Variants in PSG7 observed in about 807,000 individuals in gnomAD.
PSG7 encodes the protein pregnancy-specific beta-1-glycoprotein 7.
In PSG7, 57 loss-of-function variants were observed where a neutral mutation model predicts 45.6. That is an observed-to-expected ratio of 1.25 (90% CI 1.01 to 1.56). The LOEUF (loss-of-function observed/expected upper bound fraction) is 1.56. Ranked by LOEUF, PSG7 falls within the 40% of genes most tolerant of loss-of-function variation. The pLI is 0.00. For synonymous variants in PSG7, 298 were observed against 194.4 expected, an observed-to-expected ratio of 1.53 and a Z score of -4.43; for missense variants, 796 against 508.4, an observed-to-expected ratio of 1.57 and a Z score of -5.44.
chr19:42,934,529 T>A (rs1180535627), intron 2 of PSG7, among the ~76,000 whole-genome samples: 1 of 151,642 alleles, frequency 6.6e-6, no homozygotes, highest in Non-Finnish European at 1.5e-5. Flanking sequence ...GCAAATGGAC[T>A]GTGGCTTTTC....
Position 42,926,856 on chromosome 19 carries a change from G to A in PSG7, c.710-140C>T, listed in dbSNP as rs538766259. The stretch of plus-strand genomic sequence containing the variant: ...CCAATAGCTGGTGTGTGTGTCACAA[G>A]GTAGATGCATGATGATCTAAGGGCT... On this transcript the variant is annotated intron_variant, in intron 3 of 5. Transcript: ENST00000406070. The A allele has an allele frequency of 3.8e-5, 54 of 1,429,494 alleles. 1 individual carries two copies. Among genetic ancestry groups the A allele is most frequent in the Non-Finnish European group, 4.8e-5 (51 of 1,055,734 alleles). The allele number at this position is 1,429,494 out of a possible 1,614,324, so 88.6% of individuals were successfully genotyped here.
chr19:42,934,432 T>C (rs188146999), intron 2 of PSG7, among the ~76,000 whole-genome samples: 8 of 151,646 alleles, frequency 5.3e-5, no homozygotes, highest in South Asian at 2.1e-4. Flanking sequence ...CATGTGACCC[T>C]GATCTCCCCT....
chr19:42,931,975 G>A (rs1009001535), intron 2 of PSG7, among the ~76,000 whole-genome samples: 1 of 151,450 alleles, frequency 6.6e-6, no homozygotes, highest in Non-Finnish European at 1.5e-5. Flanking sequence ...TCTTTCCACA[G>A]CTGTGTGCAG....
At position 42,931,851 on chromosome 19, in the gene PSG7, A is replaced by C. The variant is rs1973026451; in HGVS notation, c.431-2131T>G. 2.0e-5 allele frequency among the ~76,000 whole-genome samples: 3 copies of C among 151,444 alleles called. No homozygotes were observed. The South Asian group carries it at 6.3e-4, about 32-fold the overall frequency. ...AAATTTAAAAATTGCTATTGTCAAA[A>C]CAAAATACTAAATATGAAGTTGAAA... On this transcript the variant is annotated intron_variant, in intron 2 of 5. Transcript: ENST00000406070.
At chr19:42,931,467 T>C (rs1973017938) in intron 2 of PSG7, among the ~76,000 whole-genome samples, 1 of 151,552 alleles carries the variant, frequency 6.6e-6, no homozygotes. Context: ...GTTATGTTAG[T>C]AAATATAGAA....
chr19:42,933,265 CAATATATATA>C (rs1430745451), intron 2 of PSG7, among the ~76,000 whole-genome samples: 14 of 30,374 alleles, frequency 4.6e-4, no homozygotes, highest in Non-Finnish European at 6.8e-4. Context: ...ATCACCATTT[CAATATATATA>C]TATATATATA....
rs375918059 is a variant in PSG7 at position 42,937,047 on chromosome 19, T to A, written c.30A>T (p.Thr10=). ...GGAGCCCTTTCCAGGTTATATGCTG[T>A]GTGCAGGGAGGGGCTGAGAGGGGCC... The part of the protein sequence containing the change: MGPLSAPPC[T]QHITWKGLLL... The change falls in exon 1 of 6, where the codon ACA becomes ACT. Residue 10 remains threonine, a synonymous_variant. Coordinates refer to ENST00000406070, the MANE Select transcript of PSG7 (RefSeq NM_002783.3). The A allele has an allele frequency of 2.2e-5, 36 of 1,611,534 alleles. 1 individual carries two copies. The highest frequency in any genetic ancestry group is 1.3e-4 in the African/African-American group (10 of 74,670).
intron 2 of PSG7, among the ~76,000 whole-genome samples, chr19:42,932,679 G>T (rs1201728099): frequency 6.6e-6 from 1 of 151,546 alleles, no homozygotes; most frequent in Non-Finnish European, 1.5e-5. Flanking sequence ...TCCTTGGGAA[G>T]AATTTGGTTT....
In PSG7 at chr19:42,933,298, TATATA is replaced by T. The variant is rs1230606159; in HGVS notation, c.430+2101_430+2105del. Among the ~76,000 whole-genome samples, 59 of 18,396 alleles carry T rather than the reference TATATA, an allele frequency of 3.2e-3. 7 individuals are homozygous for T. Among genetic ancestry groups the T allele is most frequent in the African/African-American group, 6.8e-3 (53 of 7,774 alleles). The allele number at this position is 18,396 out of a possible 152,430, so 12.1% of individuals were successfully genotyped here. A position where few individuals can be genotyped will look rare whatever the true frequency, so the allele number is the denominator to read the frequency against. On this transcript the variant is annotated intron_variant, in intron 2 of 5. Coordinates refer to ENST00000406070, the MANE Select transcript of PSG7 (RefSeq NM_002783.3). ...ATATATATATATATATATATATATA[TATATA>T]TATATTTTTTTTTTTTTTTGGTGTA...
In PSG7 at chr19:42,933,283, ATATATATATATATATATATATATATTT is replaced by A. The variant is rs1316217537; in HGVS notation, c.430+2094_430+2120del. 4.4e-4 allele frequency among the ~76,000 whole-genome samples: 3 copies of A among 6,760 alleles called. 1 individual carries two copies. Among genetic ancestry groups the A allele is most frequent in the Non-Finnish European group, 1.0e-3 (3 of 2,952 alleles). 4.4% of individuals were successfully genotyped at this position (6,760 alleles called of 152,430 possible). On this transcript the variant is annotated intron_variant, in intron 2 of 5. Coordinates refer to ENST00000406070, the MANE Select transcript of PSG7 (RefSeq NM_002783.3). ...ACCATTTCAATATATATATATATAT[ATATATATATATATATATATATATATTT>A]TTTTTTTTTTTTGGTGTATGTATGT...
intron 2 of PSG7, among the ~76,000 whole-genome samples, chr19:42,934,261 G>C (rs554037770): frequency 2.0e-5 from 3 of 151,486 alleles, no homozygotes; most frequent in African/African-American, 4.8e-5. Context: ...TTTAGTTCTG[G>C]AGTGCAGACT....
At position 42,935,400 on chromosome 19, in the gene PSG7, T is replaced by A. The variant is rs782040566; in HGVS notation, c.430+4A>T. 6.2e-7 allele frequency: 1 copy of A among 1,611,366 alleles called. No individual in the cohort carries two copies. The highest frequency in any genetic ancestry group is 1.1e-5 in the South Asian group (1 of 90,630). ...ACACCCAGGGACCATGTGGAATCAC[T>A]CACGGTATAAGGTGAAGGTGAAACG... On this transcript the variant is annotated splice_donor_region_variant and intron_variant, in intron 2 of 5. Coordinates refer to ENST00000406070, the MANE Select transcript of PSG7 (RefSeq NM_002783.3).
chr19:42,929,192 A>C, intron 3 of PSG7: 2 of 862,290 alleles, frequency 2.3e-6, no homozygotes, highest in Middle Eastern at 3.5e-4. Flanking sequence ...GGAGCCTGAG[A>C]CATTCACCTG....
intron 3 of PSG7, 103 bp from the exon 4 acceptor site, chr19:42,926,819 A>G: frequency 6.5e-7 from 1 of 1,533,162 alleles, no homozygotes; most frequent in Non-Finnish European, 8.8e-7. Context: ...AACACGTGTG[A>G]GTCCTTGAAA....
intron 2 of PSG7, 59 bp downstream of exon 2, chr19:42,935,345 G>T (rs1973123018): frequency 6.2e-7 from 1 of 1,600,174 alleles, no homozygotes. Context: ...AATTCTGTGT[G>T]TGTGAAGTAG....
intron 3 of PSG7, among the ~76,000 whole-genome samples, chr19:42,928,094 G>A (rs567676677): frequency 1.8e-4 from 27 of 151,458 alleles, no homozygotes; most frequent in African/African-American, 5.6e-4. Context: ...CTCTCACCAC[G>A]TTTCTAGCTT....
intron 2 of PSG7, among the ~76,000 whole-genome samples, chr19:42,933,308 T>TATATA (rs1555745220): frequency 5.4e-3 from 64 of 11,758 alleles, no homozygotes; most frequent in Non-Finnish European, 8.9e-3. Flanking sequence ...TATATATATA[T>TATATA]TTTTTTTTTT....
At chr19:42,931,056 A>G (rs935458706) in intron 2 of PSG7, among the ~76,000 whole-genome samples, 6 of 151,704 alleles carry the variant, frequency 4.0e-5, no homozygotes, top group Middle Eastern at 3.4e-3. Flanking sequence ...AGTTTTGAGC[A>G]TTTCAGATTG....
chr19:42,932,685 G>A (rs1029330232), intron 2 of PSG7, among the ~76,000 whole-genome samples: 2 of 151,412 alleles, frequency 1.3e-5, no homozygotes, highest in African/African-American at 4.9e-5. Flanking sequence ...GGAAGAATTT[G>A]GTTTATGGTT....
Sources: gnomAD v4.1 joint callset for allele counts (sites outside exome capture counted in the v4.1 genomes callset) on GRCh38, gnomAD v4.1.1 for gene constraint, MANE v1.5 for transcripts, NCBI Gene and HGNC (gene_info 2026-07-23, HGNC 2026-07-21) for gene names.